Variants in KCNIP4 observed in about 807,000 individuals in gnomAD.
KCNIP4 encodes potassium voltage-gated channel interacting protein 4, also known as Kv channel-interacting protein 4.
A neutral mutation model predicts 34.0 loss-of-function variants in KCNIP4; 12 were observed. The ratio of observed to expected loss-of-function variants is 0.35; its 90% CI spans 0.23 to 0.57. The LOEUF is 0.57. Among genes scored for constraint, KCNIP4 ranks in the 20% least tolerant of loss-of-function variants. KCNIP4 has a pLI of 0.83. For synonymous variants in KCNIP4, 124 were observed against 102.2 expected, an observed-to-expected ratio of 1.21 and a Z score of -1.29; for missense variants, 238 against 311.7, an observed-to-expected ratio of 0.76 and a Z score of 1.78.
At chr4:20,824,854 T>A (rs1287279225) in intron 3 of KCNIP4, among the ~76,000 whole-genome samples, 1 of 152,144 alleles carries the variant, frequency 6.6e-6, no homozygotes, top group African/African-American at 2.4e-5. Flanking sequence ...TTAATACATA[T>A]CCTAGATAAC....
intron 1 of KCNIP4, among the ~76,000 whole-genome samples, chr4:21,539,999 C>CAA (rs56948957): frequency 5.6e-4 from 64 of 114,790 alleles, no homozygotes; most frequent in African/African-American, 6.7e-4. Flanking sequence ...AACAAACAGA[C>CAA]AAAAAAAAAA....
At chr4:21,363,393 C>T (rs1719421451) in intron 1 of KCNIP4, among the ~76,000 whole-genome samples, 1 of 152,098 alleles carries the variant, frequency 6.6e-6, no homozygotes, top group Non-Finnish European at 1.5e-5. Context: ...TACCTAGCCT[C>T]ACAGGGGTTT....
chr4:21,584,471 T>C (rs1341858588), intron 1 of KCNIP4, among the ~76,000 whole-genome samples: 2 of 152,028 alleles, frequency 1.3e-5, no homozygotes, highest in Non-Finnish European at 2.9e-5. Context: ...ACACACACAT[T>C]AAGATTTTAG....
chr4:21,869,831 G>T (rs1464905589), intron 1 of KCNIP4, among the ~76,000 whole-genome samples: 1 of 151,806 alleles, frequency 6.6e-6, no homozygotes, highest in Non-Finnish European at 1.5e-5. Flanking sequence ...TAGGTATATC[G>T]CATACACACA....
intron 1 of KCNIP4, among the ~76,000 whole-genome samples, chr4:21,741,542 CATCT>C (rs1716402504): frequency 6.6e-6 from 1 of 152,110 alleles, no homozygotes; most frequent in Non-Finnish European, 1.5e-5. Context: ...AACCCAGCAT[CATCT>C]ATACTTTAAG....
intron 1 of KCNIP4, among the ~76,000 whole-genome samples, chr4:21,399,865 C>G (rs545271040): frequency 6.6e-6 from 1 of 152,080 alleles, no homozygotes; most frequent in South Asian, 2.1e-4. Flanking sequence ...TATTTCTAGA[C>G]GTGGAGCAGG....
At chr4:20,900,065 A>G (rs958562860) in intron 1 of KCNIP4, among the ~76,000 whole-genome samples, 2 of 152,166 alleles carry the variant, frequency 1.3e-5, no homozygotes, top group African/African-American at 2.4e-5. Flanking sequence ...TAGGCATAAA[A>G]TAATCTTAAA....
Position 21,678,380 on chromosome 4 carries a change from A to G in KCNIP4, c.61+270191T>C, listed in dbSNP as rs929751118. ...TCTTAGTTAATGGACCATGCAAAAA[A>G]ACAGCCAATAGACTGGATATAGCCC... On this transcript the variant is annotated intron_variant, in intron 1 of 8. Transcript: ENST00000382152. 2.7e-5 allele frequency among the ~76,000 whole-genome samples: 4 copies of G among 148,956 alleles called. No homozygotes were observed. The East Asian group carries it at 7.8e-4, about 29-fold the overall frequency.
intron 1 of KCNIP4, among the ~76,000 whole-genome samples, chr4:21,666,472 G>T (rs773335867): frequency 2.0e-5 from 3 of 152,162 alleles, no homozygotes; most frequent in Non-Finnish European, 4.4e-5. Flanking sequence ...TACATATCAG[G>T]ATGATTTATG....
At chr4:20,814,981 ATC>A (rs140025844) in intron 3 of KCNIP4, among the ~76,000 whole-genome samples, 7 of 151,942 alleles carry the variant, frequency 4.6e-5, no homozygotes, top group Non-Finnish European at 1.0e-4. Context: ...CTAATAATTT[ATC>A]TCTCTCTCTC....
intron 1 of KCNIP4, among the ~76,000 whole-genome samples, chr4:21,179,546 A>G (rs1754690585): frequency 6.6e-6 from 1 of 152,186 alleles, no homozygotes; most frequent in Admixed American, 6.5e-5. Context: ...AGAAAAATAG[A>G]AAATGTTATG....
chr4:21,853,826 C>A (rs945280405), intron 1 of KCNIP4, among the ~76,000 whole-genome samples: 8 of 152,198 alleles, frequency 5.3e-5, no homozygotes, highest in South Asian at 2.1e-4. Flanking sequence ...CTGCCACAGG[C>A]AAGTCACTTA....
rs1226444790 is a variant in KCNIP4 at position 21,291,862 on chromosome 4, AAAAAAAAAGAAAGAAAGAAAG to A, written c.62-409174_62-409154del. On this transcript the variant is annotated intron_variant, in intron 1 of 8. Coordinates refer to ENST00000382152, the MANE Select transcript of KCNIP4 (RefSeq NM_025221.6). ...GAGTTAGACTCCGCCTCAAAAAAAAAAAAAAAAAGAAAGAAAGAAAGAAAGAAAGAAAGAAAGAAAGAAAGA... is the reference window on the plus strand; with the variant it reads ...GAGTTAGACTCCGCCTCAAAAAAAAAAAAGAAAGAAAGAAAGAAAGAAAGA... Among the ~76,000 whole-genome samples the A allele has an allele frequency of 6.0e-4, 70 of 115,932 alleles. 10 individuals carry two copies. Among genetic ancestry groups the A allele is most frequent in the African/African-American group, 2.5e-3 (68 of 27,608 alleles). The allele number at this position is 115,932 out of a possible 152,430, so 76.1% of individuals were successfully genotyped here.
At chr4:21,385,480 T>C (rs1393295967) in intron 1 of KCNIP4, among the ~76,000 whole-genome samples, 1 of 152,176 alleles carries the variant, frequency 6.6e-6, no homozygotes, top group Non-Finnish European at 1.5e-5. Flanking sequence ...GAATCCTCTG[T>C]CTCTTCCACT....
chr4:21,291,082 A>G (rs1432468463), intron 1 of KCNIP4, among the ~76,000 whole-genome samples: 1 of 151,488 alleles, frequency 6.6e-6, no homozygotes, highest in African/African-American at 2.4e-5. Flanking sequence ...AAGGCACAGC[A>G]TGTTCCATTT....
intron 1 of KCNIP4, among the ~76,000 whole-genome samples, chr4:21,856,206 T>A (rs1433243765): frequency 1.3e-5 from 2 of 152,222 alleles, no homozygotes; most frequent in African/African-American, 2.4e-5. Flanking sequence ...GCTGGCTGGT[T>A]CCTGGAGACC....
At chr4:21,223,130 G>A (rs1406371323) in intron 1 of KCNIP4, among the ~76,000 whole-genome samples, 1 of 152,140 alleles carries the variant, frequency 6.6e-6, no homozygotes, top group African/African-American at 2.4e-5. Context: ...GATATCTGAT[G>A]GGTCCAGACA....
chr4:20,973,688 C>G (rs1735203597), intron 1 of KCNIP4, among the ~76,000 whole-genome samples: 1 of 152,128 alleles, frequency 6.6e-6, no homozygotes, highest in South Asian at 2.1e-4. Context: ...AGATGTATGA[C>G]TCTTCCCTTT....
intron 1 of KCNIP4, among the ~76,000 whole-genome samples, chr4:21,823,949 C>A (rs1722523876): frequency 6.6e-6 from 1 of 152,060 alleles, no homozygotes; most frequent in South Asian, 2.1e-4. Context: ...CATTTTTGGC[C>A]AGGTGACATA....
Sources: gnomAD v4.1 joint callset for allele counts (sites outside exome capture counted in the v4.1 genomes callset) on GRCh38, gnomAD v4.1.1 for gene constraint, MANE v1.5 for transcripts, NCBI Gene and HGNC (gene_info 2026-07-23, HGNC 2026-07-21) for gene names.